ZFP37: variants seen among roughly 807,000 people sequenced by gnomAD.
The protein encoded by ZFP37 is ZFP37 zinc finger protein.
Under a neutral mutation model 52.1 loss-of-function variants are expected in ZFP37, and 38 were observed. The observed-to-expected ratio is 0.73, with a 90% CI of 0.56 to 0.96. The LOEUF is 0.96. Among genes scored for constraint, ZFP37 ranks in the 40% least tolerant of loss-of-function variants. The probability of loss-of-function intolerance (pLI) is 0.00; values close to 1 mark genes in which losing one functional copy is unlikely to be tolerated. For synonymous variants in ZFP37, 253 were observed against 259.5 expected (o/e 0.98, Z 0.24); for missense variants, 695 against 741.4 (o/e 0.94, Z 0.73).
In ZFP37 at chr9:113,044,190, T is replaced by C. The variant is rs768454903; in HGVS notation, c.428A>G (p.Lys143Arg). 2 of 1,604,404 alleles carry C rather than the reference T, an allele frequency of 1.2e-6. No individual in the cohort carries two copies. Among genetic ancestry groups the C allele is most frequent in the Non-Finnish European group, 1.7e-6 (2 of 1,177,728 alleles). Residue 143 changes from lysine to arginine, a missense_variant, in exon 4 of 4, where the codon AAG (lysine) becomes AGG (arginine). Coordinates refer to ENST00000374227, the MANE Select transcript of ZFP37 (RefSeq NM_003408.3). ...GCCATTCTTCTTAGCTTGAGTTTTC[T>C]TCTTGACTGCAACTTCCCTGAGGAG... The part of the protein sequence containing the change: ...NKLLREVAVK[K>R]KTQAKKNGSD...
chr9:113,054,622 T>C (rs1829110789), intron 1 of ZFP37, among the ~76,000 whole-genome samples: 1 of 152,188 alleles, frequency 6.6e-6, no homozygotes. Context: ...CCACCAAATC[T>C]AGTCTTTTCC....
rs773650857 is a variant in ZFP37, at chr9:113,049,803, G to C, written c.202C>G (p.Gln68Glu). Residue 68 changes from glutamine (Q) to glutamate (E), a missense_variant, in exon 2 of 4, where the codon CAA becomes GAA. By Grantham distance (29) the Gln-to-Glu change is conservative (BLOSUM62 2). Coordinates refer to ENST00000374227, the MANE Select transcript of ZFP37 (RefSeq NM_003408.3). Reference sequence around the variant, plus strand: ...GAATTGTTCTTACCCATTGAGGCTTGGTTGCAGTAGTTCTCCAGCATCACA... The same window carrying C: ...GAATTGTTCTTACCCATTGAGGCTTCGTTGCAGTAGTTCTCCAGCATCACA... Reference protein sequence around the residue: ...NDVMLENYCNQASMGCQAPKP... With the variant: ...NDVMLENYCNEASMGCQAPKP... 6.2e-7 allele frequency: 1 copy of C among 1,613,854 alleles called. No individual in the cohort carries two copies. The highest frequency in any genetic ancestry group is 8.5e-7 in the Non-Finnish European group (1 of 1,179,872).
chr9:113,054,725 T>C (rs1156441064), intron 1 of ZFP37, among the ~76,000 whole-genome samples: 2 of 152,226 alleles, frequency 1.3e-5, no homozygotes, highest in East Asian at 3.8e-4. Context: ...TTCTCTTTCC[T>C]CATACTCCAT....
chr9:113,049,510 A>G lies in ZFP37; in HGVS notation c.215-14T>C. 6.2e-7 allele frequency: 1 copy of G among 1,608,822 alleles called. No individual in the cohort carries two copies. The highest frequency in any genetic ancestry group is 2.2e-5 in the East Asian group (1 of 44,830). ...GAGCTTGACACCCTGCTCATGAGAA[A>G]TAGCAGAAACTGAGTGTTAGAACAA... On this transcript the variant is annotated splice_polypyrimidine_tract_variant and intron_variant, in intron 2 of 3. Coordinates refer to ENST00000374227, the MANE Select transcript of ZFP37 (RefSeq NM_003408.3).
At chr9:113,050,363 C>T (rs1829033880) in intron 1 of ZFP37, among the ~76,000 whole-genome samples, 1 of 150,706 alleles carries the variant, frequency 6.6e-6, no homozygotes, top group African/African-American at 2.4e-5. Context: ...TCCAGCCTGG[C>T]TGAGAGAGTG....
In ZFP37 at chr9:113,042,816, T is replaced by C. The variant is rs777273234; in HGVS notation, c.1802A>G (p.Tyr601Cys). 15 of 1,613,302 alleles carry C rather than the reference T, an allele frequency of 9.3e-6. No homozygotes were observed. The highest frequency in any genetic ancestry group is 1.7e-4 in the Middle Eastern group (1 of 6,030). The part of the protein sequence containing the change: ...HQRSHTGEKP[Y>C]ECNECGKTFK... ...AGTTTTCCCACATTCATTACATTCA[T>C]AGGGTTTTTCTCCAGTGTGGGATCG... The change falls in exon 4 of 4, where the codon TAT becomes TGT. Residue 601 changes from tyrosine (Y) to cysteine (C), a missense_variant. Around this residue, in one of 2 missense-constraint regions of ZFP37, gnomAD observed 326 missense variants for 400.5 expected, o/e 0.81. Transcript: ENST00000374227.
At position 113,044,280 on chromosome 9, in the gene ZFP37, T is replaced by G. The variant is rs765620547; in HGVS notation, c.350-12A>C. On this transcript the variant is annotated splice_polypyrimidine_tract_variant and intron_variant, in intron 3 of 3. Transcript: ENST00000374227. ...ATCTTTCTGGACTTCTAAAATGGAA[T>G]TCAGTGAGATATTCTTGTGAATCTT... 6.5e-7 allele frequency: 1 copy of G among 1,537,850 alleles called. No individual in the cohort carries two copies. Among genetic ancestry groups the G allele is most frequent in the Non-Finnish European group, 8.7e-7 (1 of 1,150,320 alleles).
In ZFP37 at chr9:113,042,668, A is replaced by C. The variant is rs561179430; in HGVS notation, c.*57T>G. 3.5e-6 allele frequency: 5 copies of C among 1,427,436 alleles called. No homozygotes were observed. In the African/African-American group the frequency reaches 7.1e-5, roughly 20 times the overall value. The allele number at this position is 1,427,436 out of a possible 1,614,324, so 88.4% of individuals were successfully genotyped here. A position where few individuals can be genotyped will look rare whatever the true frequency, so the allele number is the denominator to read the frequency against. On this transcript the variant is annotated 3_prime_UTR_variant, in exon 4 of 4. Transcript: ENST00000374227. ...CTTTCTAACACTCTTTAAAATCAGC[A>C]TATTTCCAAGGTTCAACAAAACCTT...
At chr9:113,046,534 C>G (rs1289125771) in intron 3 of ZFP37, among the ~76,000 whole-genome samples, 1 of 152,006 alleles carries the variant, frequency 6.6e-6, no homozygotes, top group African/African-American at 2.4e-5. Flanking sequence ...CTGGTCCCAA[C>G]TGATATCTGC....
rs1458351987 is a variant in ZFP37, at chr9:113,043,673, A to G, written c.945T>C (p.His315=). The change falls in exon 4 of 4, where the codon CAT becomes CAC. Residue 315 remains histidine, a synonymous_variant. Transcript: ENST00000374227. The part of the protein sequence containing the change: ...KQGLIDHQRV[H]TGEKPYECNE... ...TACATTCATATGGTTTCTCCCCAGT[A>G]TGAACTCTCTGATGGTCAATGAGTC... 1.2e-6 allele frequency: 2 copies of G among 1,614,018 alleles called. No homozygotes were observed. The highest frequency in any genetic ancestry group is 2.7e-5 in the African/African-American group (2 of 74,952).
intron 3 of ZFP37, among the ~76,000 whole-genome samples, chr9:113,046,876 G>A (rs1226482919): frequency 5.3e-5 from 8 of 152,140 alleles, no homozygotes; most frequent in East Asian, 1.9e-4. Context: ...TTGGGAGGCC[G>A]AAGCGGGTGG....
intron 3 of ZFP37, among the ~76,000 whole-genome samples, chr9:113,045,490 T>C (rs752224185): frequency 1.3e-5 from 2 of 152,236 alleles, no homozygotes; most frequent in Admixed American, 6.5e-5. Context: ...GTCTTTCTAA[T>C]TGTCAGTTAT....
At chr9:113,047,670 G>A (rs549167388) in intron 3 of ZFP37, among the ~76,000 whole-genome samples, 1 of 152,268 alleles carries the variant, frequency 6.6e-6, no homozygotes, top group African/African-American at 2.4e-5. Context: ...GAGATAATAT[G>A]AACCTGATTT....
chr9:113,053,727 C>T (rs1829096154), intron 1 of ZFP37, among the ~76,000 whole-genome samples: 1 of 152,176 alleles, frequency 6.6e-6, no homozygotes, highest in Admixed American at 6.5e-5. Flanking sequence ...TTCCAGCAAC[C>T]TGTTTCCAAA....
Position 113,042,377 on chromosome 9 carries a change from G to A in ZFP37, c.*348C>T. 1.0e-5 allele frequency: 2 copies of A among 191,766 alleles called. No individual in the cohort carries two copies. Among genetic ancestry groups the A allele is most frequent in the Admixed American group, 5.4e-5 (1 of 18,426 alleles). 11.9% of individuals were successfully genotyped at this position (191,766 alleles called of 1,614,324 possible). A position where few individuals can be genotyped will look rare whatever the true frequency, so the allele number is the denominator to read the frequency against. On this transcript the variant is annotated 3_prime_UTR_variant, in exon 4 of 4. Transcript: ENST00000374227. Reference sequence around the variant, plus strand: ...TTCAACTCTAATATATGGTGCTTAAGTACAAAACAAGAAGAAACACAGGAA... The same window carrying A: ...TTCAACTCTAATATATGGTGCTTAAATACAAAACAAGAAGAAACACAGGAA...
rs1207797787 is a variant in ZFP37, at chr9:113,052,036, G to A, written c.133-2164C>T. On this transcript the variant is annotated intron_variant, in intron 1 of 3. Coordinates refer to ENST00000374227, the MANE Select transcript of ZFP37 (RefSeq NM_003408.3). This position sits in a 1 kb window ranked among gnomAD's most constrained non-coding sequence, Gnocchi z 4.1. ...CAACCAATGATACCCACAGGACACT[G>A]GTAATCTATCTCCTATTACCCCAAA... 1.3e-5 allele frequency among the ~76,000 whole-genome samples: 2 copies of A among 152,024 alleles called. No individual in the cohort carries two copies. The highest frequency in any genetic ancestry group is 4.8e-5 in the African/African-American group (2 of 41,366).
rs1178342714 is a variant in ZFP37, at chr9:113,049,864, C to T, written c.141G>A (p.Lys47=). 19 of 1,613,892 alleles carry T rather than the reference C, an allele frequency of 1.2e-5. No individual in the cohort carries two copies. Among genetic ancestry groups the T allele is most frequent in the Non-Finnish European group, 1.6e-5 (19 of 1,179,918 alleles). The part of the protein sequence containing the change: ...SEPEASAAEW[K]QLDPAQSNLY... The stretch of plus-strand genomic sequence containing the variant: ...GGTTGCTCTGAGCAGGATCCAGTTG[C>T]TTCCATTCCTTCTGGGTAAAGGCCA... The change falls in exon 2 of 4, where the codon AAG becomes AAA. Residue 47 remains lysine (K), a synonymous_variant. Coordinates refer to ENST00000374227, the MANE Select transcript of ZFP37 (RefSeq NM_003408.3).
Position 113,042,458 on chromosome 9 carries a change from AT to A in ZFP37, c.*266del. ...GCTTTGAATATTCAAATAATTCACA[AT>A]TTTTAAAGCTTTCAATTTCAATCTG... On this transcript the variant is annotated 3_prime_UTR_variant, in exon 4 of 4. Transcript: ENST00000374227. 3.3e-6 allele frequency: 1 copy of A among 306,142 alleles called. No individual in the cohort carries two copies. Among genetic ancestry groups the A allele is most frequent in the Non-Finnish European group, 5.9e-6 (1 of 168,260 alleles). The allele number at this position is 306,142 out of a possible 1,614,324, so 19.0% of individuals were successfully genotyped here. A position where few individuals can be genotyped will look rare whatever the true frequency, so the allele number is the denominator to read the frequency against.
rs769237489 is a variant in ZFP37 at position 113,042,690 on chromosome 9, C to A, written c.*35G>T. 2.0e-6 allele frequency: 3 copies of A among 1,507,170 alleles called. No homozygotes were observed. Among genetic ancestry groups the A allele is most frequent in the Non-Finnish European group, 2.7e-6 (3 of 1,127,806 alleles). The allele number at this position is 1,507,170 out of a possible 1,614,324, so 93.4% of individuals were successfully genotyped here. A position where few individuals can be genotyped will look rare whatever the true frequency, so the allele number is the denominator to read the frequency against. ...AGCATATTTCCAAGGTTCAACAAAA[C>A]CTTAAATTTAGTTAACAAATTTCCC... On this transcript the variant is annotated 3_prime_UTR_variant, in exon 4 of 4. Coordinates refer to ENST00000374227, the MANE Select transcript of ZFP37 (RefSeq NM_003408.3).
Sources: allele counts gnomAD v4.1 joint callset (sites outside exome capture counted in the v4.1 genomes callset), GRCh38; gene constraint gnomAD v4.1.1; regional missense constraint gnomAD v4.1.1; non-coding constraint Gnocchi (gnomAD v3.1); transcripts MANE v1.5; gene names NCBI Gene and HGNC (gene_info 2026-07-23, HGNC 2026-07-21).